The following PLA2G12A variants were observed in gnomAD, a reference collection of about 807,000 sequenced individuals.
The protein encoded by PLA2G12A is group XIIA secretory phospholipase A2.
PLA2G12A carries 11 observed loss-of-function variants against 16.0 expected under a neutral mutation model. The observed-to-expected ratio is 0.69, with a 90% CI of 0.43 to 1.13. The LOEUF (loss-of-function observed/expected upper bound fraction) is 1.13. PLA2G12A is among the 50% of genes most tolerant of loss of function. The probability of loss-of-function intolerance (pLI) is 0.00; values close to 1 mark genes in which losing one functional copy is unlikely to be tolerated. For missense variants in PLA2G12A, 214 were observed against 237.3 expected (o/e 0.90, Z 0.65); for synonymous variants, 77 against 93.8 (o/e 0.82, Z 1.03).
At chr4:109,729,264 C>A (rs762810938) in intron 1 of PLA2G12A, among the ~76,000 whole-genome samples, 1 of 152,038 alleles carries the variant, frequency 6.6e-6, no homozygotes, top group Non-Finnish European at 1.5e-5. Context: ...TAAAACCAGT[C>A]TGTTCCACTC....
At position 109,714,136 on chromosome 4, in the gene PLA2G12A, T is replaced by C. The variant is rs1730785377; in HGVS notation, c.*241A>G. On this transcript the variant is annotated 3_prime_UTR_variant, in exon 4 of 4. Coordinates refer to ENST00000243501, the MANE Select transcript of PLA2G12A (RefSeq NM_030821.5). ...CTTGTTTTTGATATTGGTCAAGACA[T>C]TTGGCATACTAAGTAAGGGAGCAAT... is the stretch of plus-strand genomic sequence containing the variant. 3 of 456,052 alleles carry C rather than the reference T, an allele frequency of 6.6e-6. No individual in the cohort carries two copies. The highest frequency in any genetic ancestry group is 7.2e-5 in the South Asian group (2 of 27,628). The allele number at this position is 456,052 out of a possible 1,614,324, so 28.3% of individuals were successfully genotyped here. A position where few individuals can be genotyped will look rare whatever the true frequency, so the allele number is the denominator to read the frequency against.
rs549619640 is a variant in PLA2G12A, at chr4:109,728,290, CAG to C, written c.208+1310_208+1311del. Among the ~76,000 whole-genome samples, 311 of 152,320 alleles carry C rather than the reference CAG, an allele frequency of 2.0e-3. 3 individuals are homozygous for C. Among genetic ancestry groups the C allele is most frequent in the African/African-American group, 7.0e-3 (291 of 41,570 alleles). ...CTCACCAGAACTCAAGCTCCACGGA[CAG>C]AGATTTTTGTCTGTTTTATTAACTG... On this transcript the variant is annotated intron_variant, in intron 1 of 3. Transcript: ENST00000243501.
intron 1 of PLA2G12A, among the ~76,000 whole-genome samples, chr4:109,721,226 G>C (rs1730935500): frequency 6.6e-6 from 1 of 152,112 alleles, no homozygotes; most frequent in African/African-American, 2.4e-5. Context: ...GGTTGTTTCT[G>C]GACCCTTGGA....
At chr4:109,720,780 T>C (rs1269675234) in intron 1 of PLA2G12A, among the ~76,000 whole-genome samples, 2 of 151,740 alleles carry the variant, frequency 1.3e-5, no homozygotes, top group East Asian at 1.9e-4. Context: ...TATAAAGCTA[T>C]AGCCTGGGCT....
At chr4:109,715,486 T>A (rs531830411) in intron 3 of PLA2G12A, among the ~76,000 whole-genome samples, 1 of 148,026 alleles carries the variant, frequency 6.8e-6, no homozygotes, top group African/African-American at 2.6e-5. Context: ...TTATTTATTT[T>A]ATTTATTTTT....
chr4:109,725,432 T>A (rs1337465321), intron 1 of PLA2G12A, among the ~76,000 whole-genome samples: 2 of 152,214 alleles, frequency 1.3e-5, no homozygotes, highest in Non-Finnish European at 2.9e-5. Context: ...CTAAGCATTT[T>A]AAAAATTAGC....
chr4:109,727,396 C>A (rs972820078), intron 1 of PLA2G12A, among the ~76,000 whole-genome samples: 7 of 152,148 alleles, frequency 4.6e-5, no homozygotes, highest in Admixed American at 6.5e-5. Context: ...CAGGCATGAG[C>A]CATTACGTCC....
chr4:109,718,822 A>G, intron 1 of PLA2G12A, 63 bp from the exon 2 acceptor site: 1 of 1,125,446 alleles, frequency 8.9e-7, no homozygotes, highest in Admixed American at 2.5e-5. Context: ...TACATACTCA[A>G]AAAGGTCAAT....
rs1723022018 is a variant in PLA2G12A, at chr4:109,729,947, C to T, written c.-138G>A. ...CTCCATATCCACGCCTCCTTCCCGGCTGGCCCTCAGGATCTCGCTGTCTTT... is the reference window on the plus strand; with the variant it reads ...CTCCATATCCACGCCTCCTTCCCGGTTGGCCCTCAGGATCTCGCTGTCTTT... On this transcript the variant is annotated 5_prime_UTR_variant, in exon 1 of 4. Transcript: ENST00000243501. 1 of 702,566 alleles carries T rather than the reference C, an allele frequency of 1.4e-6. No homozygotes were observed. The highest frequency in any genetic ancestry group is 3.1e-5 in the East Asian group (1 of 32,218). 43.5% of individuals were successfully genotyped at this position (702,566 alleles called of 1,614,324 possible).
In PLA2G12A at chr4:109,730,010, A is replaced by ACGCGCCCGCTCACCTGGACCAG. The variant is rs1208098933; in HGVS notation, c.-223_-202dup. 458 of 518,764 alleles carry ACGCGCCCGCTCACCTGGACCAG rather than the reference A, an allele frequency of 8.8e-4. 1 individual carries two copies. The highest frequency in any genetic ancestry group is 5.1e-3 in the African/African-American group (243 of 48,004). The allele number at this position is 518,764 out of a possible 1,614,324, so 32.1% of individuals were successfully genotyped here. ...TCGGGCAGGCAGCGCCGTCGCGGGG[A>ACGCGCCCGCTCACCTGGACCAG]CGCGCCCGCTCACCTGGACCAGCGC... On this transcript the variant is annotated 5_prime_UTR_variant, in exon 1 of 4. Coordinates refer to ENST00000243501, the MANE Select transcript of PLA2G12A (RefSeq NM_030821.5).
chr4:109,724,728 GAGA>G, intron 1 of PLA2G12A, among the ~76,000 whole-genome samples: 1 of 152,306 alleles, frequency 6.6e-6, no homozygotes, highest in Admixed American at 6.5e-5. Flanking sequence ...AGATAGTACA[GAGA>G]AGGACAACTG....
At chr4:109,728,562 T>C (rs1057060432) in intron 1 of PLA2G12A, among the ~76,000 whole-genome samples, 13 of 152,352 alleles carry the variant, frequency 8.5e-5, no homozygotes, top group African/African-American at 2.9e-4. Flanking sequence ...TCAGCACCTG[T>C]TCAGCGCTTT....
intron 3 of PLA2G12A, among the ~76,000 whole-genome samples, chr4:109,715,579 G>T (rs1482395600): frequency 6.6e-6 from 1 of 152,030 alleles, no homozygotes; most frequent in Non-Finnish European, 1.5e-5. Flanking sequence ...TCTGCCTCCT[G>T]GGTTCAAGTG....
intron 1 of PLA2G12A, among the ~76,000 whole-genome samples, chr4:109,727,327 T>C (rs1485264375): frequency 2.6e-5 from 4 of 151,924 alleles, no homozygotes; most frequent in Non-Finnish European, 5.9e-5. Context: ...GCCAGGCTGG[T>C]CTCGAACTCC....
At position 109,714,034 on chromosome 4, in the gene PLA2G12A, A is replaced by T. The variant is rs976950858; in HGVS notation, c.*343T>A. 1 of 193,218 alleles carries T rather than the reference A, an allele frequency of 5.2e-6. No homozygotes were observed. Among genetic ancestry groups the T allele is most frequent in the African/African-American group, 2.3e-5 (1 of 43,362 alleles). 12.0% of individuals were successfully genotyped at this position (193,218 alleles called of 1,614,324 possible). Reference sequence around the variant, plus strand: ...GACATTATGATGAATTTTATATTTGATCTCTTTTTTTGGTAAATGTGGTTG... The same window carrying T: ...GACATTATGATGAATTTTATATTTGTTCTCTTTTTTTGGTAAATGTGGTTG... On this transcript the variant is annotated 3_prime_UTR_variant, in exon 4 of 4. Coordinates refer to ENST00000243501, the MANE Select transcript of PLA2G12A (RefSeq NM_030821.5).
intron 1 of PLA2G12A, among the ~76,000 whole-genome samples, chr4:109,724,818 G>A (rs1722897665): frequency 6.6e-6 from 1 of 152,166 alleles, no homozygotes; most frequent in Non-Finnish European, 1.5e-5. Context: ...ACTGTCTGAA[G>A]AAGAAAAGTT....
At chr4:109,717,927 C>T (rs1730856744) in intron 2 of PLA2G12A, among the ~76,000 whole-genome samples, 1 of 152,210 alleles carries the variant, frequency 6.6e-6, no homozygotes, top group Non-Finnish European at 1.5e-5. Context: ...TGCCTCACTG[C>T]TCCCTATTCT....
chr4:109,729,700 G>C lies in PLA2G12A; in HGVS notation c.110C>G (p.Thr37Ser). The change falls in exon 1 of 4, where the codon ACC (threonine) becomes AGC (serine). Residue 37 changes from threonine to serine, a missense_variant. Thr to Ser is a moderately conservative substitution (Grantham distance 58, BLOSUM62 1). Transcript: ENST00000243501. ...QTTDWRATLK[T>S]IRNGVHKIDT... is the part of the protein sequence containing the mutation. ...TATCTTATGAACGCCGTTCCGGATG[G>C]TCTTCAGGGTGGCTCTCCAGTCGGT... is the stretch of plus-strand genomic sequence containing the variant. The C allele has an allele frequency of 6.2e-7, 1 of 1,610,608 alleles. No homozygotes were observed. The highest frequency in any genetic ancestry group is 1.1e-5 in the South Asian group (1 of 90,658).
rs1730721986 is a variant in PLA2G12A, at chr4:109,711,177, A to C, written c.*3200T>G. Reference sequence around the variant, plus strand: ...GGACAAATTTTGAGTTGAAGACGGCAGTACAAACTCATGTTTAGCTTTGTA... The same window carrying C: ...GGACAAATTTTGAGTTGAAGACGGCCGTACAAACTCATGTTTAGCTTTGTA... On this transcript the variant is annotated 3_prime_UTR_variant, in exon 4 of 4. Transcript: ENST00000243501. 1 of 151,612 alleles carries C rather than the reference A, an allele frequency of 6.6e-6. No homozygotes were observed. Among genetic ancestry groups the C allele is most frequent in the Admixed American group, 6.6e-5 (1 of 15,172 alleles). The allele number at this position is 151,612 out of a possible 1,614,324, so 9.4% of individuals were successfully genotyped here. A position where few individuals can be genotyped will look rare whatever the true frequency, so the allele number is the denominator to read the frequency against.
Sources: gnomAD v4.1 joint callset for allele counts (sites outside exome capture counted in the v4.1 genomes callset) on GRCh38, gnomAD v4.1.1 for gene constraint, MANE v1.5 for transcripts, NCBI Gene and HGNC (gene_info 2026-07-23, HGNC 2026-07-21) for gene names.